ANKDD1A: variants seen among roughly 807,000 people sequenced by gnomAD.
The protein encoded by ANKDD1A is ankyrin repeat and death domain containing 1A.
In ANKDD1A, 59 loss-of-function variants were observed where a neutral mutation model predicts 63.5. That is an observed-to-expected ratio of 0.93 (90% confidence interval 0.75 to 1.15). The LOEUF is 1.15. Among genes scored for constraint, ANKDD1A ranks in the 50% most tolerant of loss-of-function variants. The pLI, the probability that ANKDD1A is intolerant of heterozygous loss-of-function variation, is 0.00. For missense variants in ANKDD1A, 632 were observed against 656.4 expected, an observed-to-expected ratio of 0.96 and a Z score of 0.41; for synonymous variants, 266 against 263.9, an observed-to-expected ratio of 1.01 and a Z score of -0.08.
At chr15:64,949,802 C>T (rs1232776337) in intron 13 of ANKDD1A, 39 bp from the exon 14 acceptor site, 1 of 1,592,716 alleles carries the variant, frequency 6.3e-7, no homozygotes. Context: ...GCCCCATTGG[C>T]TCCTTCTCCC....
rs1207788084 is a variant in ANKDD1A at position 64,958,201 on chromosome 15, G to A, written c.*1013G>A. The A allele has an allele frequency of 6.6e-6, 1 of 152,326 alleles. No homozygotes were observed. The highest frequency in any genetic ancestry group is 1.5e-5 in the Non-Finnish European group (1 of 68,096). 9.4% of individuals were successfully genotyped at this position (152,326 alleles called of 1,614,324 possible). On this transcript the variant is annotated 3_prime_UTR_variant, in exon 15 of 15. Transcript: ENST00000319580. Reference sequence around the variant, plus strand: ...GATGAGGAGGTGGAGCGCAGGGGATGTTAGGGCAGTGAAAGGTTCTGTATG... The same window carrying A: ...GATGAGGAGGTGGAGCGCAGGGGATATTAGGGCAGTGAAAGGTTCTGTATG...
rs139114546 is a variant in ANKDD1A, at chr15:64,930,824, G to A, written c.573G>A (p.Glu191=). ...CTCAGGAGCCCTTTTTCCTGCAGGA[G>A]GGGAACACTGCCCTTCATCTGGCTG... ...SGCDHNVKDK[E]GNTALHLAAG... Residue 191 remains glutamate, a splice_region_variant and synonymous_variant, in exon 7 of 15, where the codon GAG becomes GAA. Transcript: ENST00000319580. 1,397 of 1,612,244 alleles carry A rather than the reference G, an allele frequency of 8.7e-4. 17 individuals are homozygous for A. The African/African-American group carries it at 0.016, about 19-fold the overall frequency.
chr15:64,950,440 A>C, intron 14 of ANKDD1A: 1 of 985,432 alleles, frequency 1.0e-6, no homozygotes. Context: ...CAAAAGCCTG[A>C]TATGGGATTC....
chr15:64,951,427 C>CTT (rs1458177250), intron 14 of ANKDD1A: 1 of 106,204 alleles, frequency 9.4e-6, no homozygotes, highest in Non-Finnish European at 1.3e-5. Flanking sequence ...TTCCTCTTTT[C>CTT]TTCTTTTTCT....
At chr15:64,921,812 C>T (rs1028541136) in intron 3 of ANKDD1A, 109 bp from the exon 4 acceptor site, 3 of 878,208 alleles carry the variant, frequency 3.4e-6, no homozygotes, top group Non-Finnish European at 5.4e-6. Context: ...GATTAAGTGG[C>T]ACTTATAGTT....
At chr15:64,931,909 T>C (rs2085094329) in intron 8 of ANKDD1A, 1 of 496,404 alleles carries the variant, frequency 2.0e-6, no homozygotes, top group Non-Finnish European at 3.6e-6. Context: ...GTTTTAATTT[T>C]TTTGAGATGG....
In ANKDD1A at chr15:64,944,699, C is replaced by G; in HGVS notation, c.1113C>G (p.Ser371Arg). ...LAVAVRSNHVSLVDMIIKADR... is the reference protein window; with the variant it reads ...LAVAVRSNHVRLVDMIIKADR... The stretch of plus-strand genomic sequence containing the variant: ...TGGCCGTCCGCAGCAACCATGTCAG[C>G]CTGGTGGACATGATCATAAAAGCTG... Residue 371 changes from serine to arginine, a missense_variant, in exon 12 of 15, where the codon AGC (serine) becomes AGG (arginine). Coordinates refer to ENST00000319580, the MANE Select transcript of ANKDD1A (RefSeq NM_182703.6). 1 of 1,614,088 alleles carries G rather than the reference C, an allele frequency of 6.2e-7. No homozygotes were observed. Among genetic ancestry groups the G allele is most frequent in the East Asian group, 2.2e-5 (1 of 44,878 alleles).
intron 14 of ANKDD1A, among the ~76,000 whole-genome samples, chr15:64,952,018 ATCTT>A (rs747286832): frequency 1.5e-4 from 15 of 101,388 alleles, no homozygotes; most frequent in Non-Finnish European, 2.5e-4. Context: ...TCCATCTTCT[ATCTT>A]CTTTTTCTTC....
intron 14 of ANKDD1A, chr15:64,950,265 T>C (rs777645385): frequency 2.3e-5 from 23 of 985,376 alleles, no homozygotes; most frequent in Non-Finnish European, 2.7e-5. Context: ...CCTCTATACC[T>C]TGACATTTTT....
At chr15:64,939,868 G>C (rs991769397) in intron 9 of ANKDD1A, among the ~76,000 whole-genome samples, 69 of 152,124 alleles carry the variant, frequency 4.5e-4, no homozygotes, top group African/African-American at 1.6e-3. Context: ...ACAGACTTAA[G>C]TGTAAAACTA....
chr15:64,949,629 T>C (rs945977985), intron 13 of ANKDD1A, among the ~76,000 whole-genome samples: 2 of 152,096 alleles, frequency 1.3e-5, no homozygotes, highest in Non-Finnish European at 2.9e-5. Flanking sequence ...CACAAACCCT[T>C]CCCTCCCCAT....
chr15:64,953,501 T>G (rs1346183844), intron 14 of ANKDD1A, among the ~76,000 whole-genome samples: 1 of 119,740 alleles, frequency 8.4e-6, no homozygotes, highest in African/African-American at 3.3e-5. Context: ...CTTTAGTTCT[T>G]CCTCCTCTTC....
At chr15:64,950,981 C>T (rs888348229) in intron 14 of ANKDD1A, 1 of 1,272,546 alleles carries the variant, frequency 7.9e-7, no homozygotes, top group African/African-American at 1.5e-5. Flanking sequence ...GCAAACGCAG[C>T]CCCGAGTGCC....
chr15:64,926,187 G>C lies in ANKDD1A; in HGVS notation c.471+17G>C. 2 of 1,611,776 alleles carry C rather than the reference G, an allele frequency of 1.2e-6. No homozygotes were observed. The highest frequency in any genetic ancestry group is 1.7e-6 in the Non-Finnish European group (2 of 1,178,722). On this transcript the variant is annotated intron_variant, in intron 5 of 14. Transcript: ENST00000319580. Reference sequence around the variant, plus strand: ...GTAGACAAGGTGAGAGTGCCTCAGGGCTACTCATCATTCCCATTGGGCGGG... The same window carrying C: ...GTAGACAAGGTGAGAGTGCCTCAGGCCTACTCATCATTCCCATTGGGCGGG...
At chr15:64,920,471 G>A (rs559508335) in intron 3 of ANKDD1A, among the ~76,000 whole-genome samples, 1 of 152,330 alleles carries the variant, frequency 6.6e-6, no homozygotes, top group African/African-American at 2.4e-5. Context: ...AGAAGCCAGT[G>A]TTTGACTGCG....
intron 3 of ANKDD1A, among the ~76,000 whole-genome samples, chr15:64,919,659 G>A (rs1217977230): frequency 6.6e-6 from 1 of 152,154 alleles, no homozygotes; most frequent in Non-Finnish European, 1.5e-5. Context: ...CCACCCTGGT[G>A]TCATCCCAAA....
chr15:64,950,977 G>A (rs1050056343), intron 14 of ANKDD1A: 29 of 1,271,704 alleles, frequency 2.3e-5, no homozygotes, highest in East Asian at 6.1e-5. Context: ...GAAAGCAAAC[G>A]CAGCCCCGAG....
In ANKDD1A at chr15:64,953,817, CTTATTCTTTTCT is replaced by C. The variant is rs2085360439; in HGVS notation, c.1484-3284_1484-3273del. On this transcript the variant is annotated intron_variant, in intron 14 of 14. Coordinates refer to ENST00000319580, the MANE Select transcript of ANKDD1A (RefSeq NM_182703.6). The stretch of plus-strand genomic sequence containing the variant: ...TTTCTTCTTCCTTTTTTTCTTCTTC[CTTATTCTTTTCT>C]TCTTTCCTCTTCTTTTCTTCTTTCC... 5.7e-5 allele frequency among the ~76,000 whole-genome samples: 6 copies of C among 105,822 alleles called. No individual in the cohort carries two copies. In the South Asian group the frequency reaches 9.1e-4, roughly 16 times the overall value. 69.4% of individuals were successfully genotyped at this position (105,822 alleles called of 152,430 possible). A position where few individuals can be genotyped will look rare whatever the true frequency, so the allele number is the denominator to read the frequency against.
At chr15:64,956,835 G>A (rs1483547718) in intron 14 of ANKDD1A, among the ~76,000 whole-genome samples, 1 of 152,008 alleles carries the variant, frequency 6.6e-6, no homozygotes, top group Non-Finnish European at 1.5e-5. Flanking sequence ...CTACAGGCAT[G>A]AGCCACGGAG....
Sources: allele counts gnomAD v4.1 joint callset (sites outside exome capture counted in the v4.1 genomes callset), GRCh38; gene constraint gnomAD v4.1.1; transcripts MANE v1.5; gene names NCBI Gene and HGNC (gene_info 2026-07-23, HGNC 2026-07-21).